MBD2: variants seen among roughly 807,000 people sequenced by gnomAD.
The protein encoded by MBD2 is methyl-CpG binding domain protein 2, also known as methyl-CpG-binding domain protein 2.
Under a neutral mutation model 39.3 loss-of-function variants are expected in MBD2, and 9 were observed. That is an observed-to-expected ratio of 0.23 (90% CI 0.14 to 0.40). MBD2 has a LOEUF of 0.40. Among genes scored for constraint, MBD2 ranks in the 10% least tolerant of loss-of-function variants. The probability of loss-of-function intolerance (pLI) is 1.00; values close to 1 mark genes in which losing one functional copy is unlikely to be tolerated. For synonymous variants in MBD2, 233 were observed against 211.1 expected (o/e 1.10, Z -0.90); for missense variants, 458 against 532.6 (o/e 0.86, Z 1.38).
chr18:54,161,864 A>AT (rs1222005781), intron 5 of MBD2, among the ~76,000 whole-genome samples: 1 of 51,368 alleles, frequency 1.9e-5, no homozygotes, highest in African/African-American at 8.6e-5. Context: ...CAATCAACTG[A>AT]TTTTGAGTCA....
chr18:54,215,948 C>G (rs1018327918), intron 1 of MBD2, among the ~76,000 whole-genome samples: 5 of 151,854 alleles, frequency 3.3e-5, no homozygotes, highest in African/African-American at 1.2e-4. Flanking sequence ...ATTACAGGCA[C>G]CTGCCACCAT....
intron 3 of MBD2, among the ~76,000 whole-genome samples, chr18:54,175,442 C>T (rs533552048): frequency 6.6e-6 from 1 of 152,294 alleles, no homozygotes; most frequent in Admixed American, 6.5e-5. Flanking sequence ...GTTATCCCAC[C>T]ACCTGTGCTC....
intron 3 of MBD2, among the ~76,000 whole-genome samples, chr18:54,177,318 A>C (rs1326464483): frequency 6.6e-6 from 1 of 152,224 alleles, no homozygotes; most frequent in African/African-American, 2.4e-5. Flanking sequence ...AGCACCTGTT[A>C]ATCAGCAATA....
intron 1 of MBD2, among the ~76,000 whole-genome samples, chr18:54,210,060 C>T (rs1392019517): frequency 6.6e-6 from 1 of 152,064 alleles, no homozygotes; most frequent in Non-Finnish European, 1.5e-5. Context: ...TACTTCTAAT[C>T]CCAGTAATGA....
intron 6 of MBD2, among the ~76,000 whole-genome samples, chr18:54,156,977 G>A (rs2086056565): frequency 6.6e-6 from 1 of 152,156 alleles, no homozygotes; most frequent in Non-Finnish European, 1.5e-5. Context: ...TGACAGAAGA[G>A]AAGGGCTTTC....
chr18:54,193,580 A>G (rs1488149054), intron 2 of MBD2, among the ~76,000 whole-genome samples: 1 of 152,188 alleles, frequency 6.6e-6, no homozygotes, highest in Non-Finnish European at 1.5e-5. Flanking sequence ...TCCAGTAAGT[A>G]TCTGAGATAT....
chr18:54,181,076 G>C (rs2086249106), intron 3 of MBD2, among the ~76,000 whole-genome samples: 1 of 151,890 alleles, frequency 6.6e-6, no homozygotes, highest in Non-Finnish European at 1.5e-5. Context: ...GGCATTTTTA[G>C]TAGAGATGCG....
At chr18:54,219,141 C>T (rs980541485) in intron 1 of MBD2, among the ~76,000 whole-genome samples, 2 of 152,186 alleles carry the variant, frequency 1.3e-5, no homozygotes, top group African/African-American at 4.8e-5. Flanking sequence ...CGATTTCTCA[C>T]TTGTGTCTGT....
intron 1 of MBD2, among the ~76,000 whole-genome samples, chr18:54,218,266 C>T (rs2086578676): frequency 6.6e-6 from 1 of 152,094 alleles, no homozygotes; most frequent in Non-Finnish European, 1.5e-5. Context: ...AACAATACTG[C>T]TTTAATTATG....
Position 54,198,465 on chromosome 18 carries a change from A to C in MBD2, c.702+6533T>G, listed in dbSNP as rs184444624. On this transcript the variant is annotated intron_variant, in intron 2 of 6. Coordinates refer to ENST00000256429, the MANE Select transcript of MBD2 (RefSeq NM_003927.5). ...TGCTGTGGCTCACGCCTGTAATCCT[A>C]GCACTTTGGAAGCCAAGGCAGGTGG... Among the ~76,000 whole-genome samples the C allele has an allele frequency of 2.2e-3, 339 of 152,336 alleles. 1 individual carries two copies. Among genetic ancestry groups the C allele is most frequent in the Non-Finnish European group, 2.5e-3 (171 of 68,028 alleles).
chr18:54,218,913 G>A (rs138312678), intron 1 of MBD2, among the ~76,000 whole-genome samples: 5 of 149,868 alleles, frequency 3.3e-5, no homozygotes, highest in African/African-American at 1.2e-4. Context: ...AGTGAGCTGA[G>A]ATTGCACCAC....
At chr18:54,194,009 A>T (rs1345924537) in intron 2 of MBD2, among the ~76,000 whole-genome samples, 1 of 152,142 alleles carries the variant, frequency 6.6e-6, no homozygotes, top group African/African-American at 2.4e-5. Flanking sequence ...TAACCTTCCA[A>T]TGATCTCACA....
intron 1 of MBD2, chr18:54,222,519 T>A (rs1320420282): frequency 3.0e-6 from 1 of 329,192 alleles, no homozygotes; most frequent in Non-Finnish European, 6.1e-6. Flanking sequence ...TTTCACTCTA[T>A]TGCCCAGGCA....
chr18:54,205,695 C>G (rs187944083), intron 1 of MBD2, among the ~76,000 whole-genome samples: 13 of 151,912 alleles, frequency 8.6e-5, no homozygotes, highest in African/African-American at 3.1e-4. Context: ...CTAGGTAGTC[C>G]ACTGGAATAC....
chr18:54,213,413 G>A (rs556227080), intron 1 of MBD2, among the ~76,000 whole-genome samples: 22 of 152,104 alleles, frequency 1.4e-4, no homozygotes, highest in Non-Finnish European at 2.9e-4. Context: ...AAAACCATTC[G>A]GGATCCATGG....
intron 3 of MBD2, chr18:54,187,681 A>T: frequency 1.0e-6 from 1 of 985,870 alleles, no homozygotes; most frequent in Non-Finnish European, 1.2e-6. Context: ...ACATGCAGGT[A>T]CGCATCTTTT....
intron 5 of MBD2, among the ~76,000 whole-genome samples, chr18:54,161,676 A>G (rs1487958071): frequency 4.6e-5 from 7 of 152,196 alleles, no homozygotes; most frequent in Non-Finnish European, 1.0e-4. Context: ...TACTTTCCAC[A>G]TTTGTGAGAG....
intron 1 of MBD2, 53 bp from the exon 2 acceptor site, chr18:54,205,210 G>A: frequency 6.7e-7 from 1 of 1,499,578 alleles, no homozygotes; most frequent in East Asian, 2.3e-5. Context: ...CTCCACATAA[G>A]CCTTTTCTTC....
chr18:54,205,898 A>G (rs1327114828), intron 1 of MBD2, among the ~76,000 whole-genome samples: 4 of 152,068 alleles, frequency 2.6e-5, no homozygotes, highest in Non-Finnish European at 4.4e-5. Flanking sequence ...AGCAATAATC[A>G]GAAAAAACTT....
Sources: gnomAD v4.1 joint callset for allele counts (sites outside exome capture counted in the v4.1 genomes callset) on GRCh38, gnomAD v4.1.1 for gene constraint, MANE v1.5 for transcripts, NCBI Gene and HGNC (gene_info 2026-07-23, HGNC 2026-07-21) for gene names.